CDH19: variants seen among roughly 807,000 people sequenced by gnomAD.
CDH19 encodes the protein cadherin 19.
A neutral mutation model predicts 64.2 loss-of-function variants in CDH19; 67 were observed. That is an observed-to-expected ratio of 1.04 (90% confidence interval 0.86 to 1.28). The LOEUF (loss-of-function observed/expected upper bound fraction) is 1.28, where lower values mean the gene tolerates loss of function less well. CDH19 is among the 50% of genes most tolerant of loss of function. The probability of loss-of-function intolerance (pLI) is 0.00; values close to 1 mark genes in which losing one functional copy is unlikely to be tolerated. For missense variants in CDH19, 1,030 were observed against 929.0 expected (o/e 1.11, Z -1.41); for synonymous variants, 346 against 319.3 (o/e 1.08, Z -0.89).
At chr18:66,580,158 C>T (rs1988384150) in intron 1 of CDH19, among the ~76,000 whole-genome samples, 2 of 151,760 alleles carry the variant, frequency 1.3e-5, no homozygotes, top group African/African-American at 4.8e-5. Flanking sequence ...ACTGTAATAC[C>T]AGCTATTGAT....
chr18:66,529,795 T>C (rs1198156362), intron 9 of CDH19, 50 bp downstream of exon 9: 13 of 1,175,834 alleles, frequency 1.1e-5, no homozygotes, highest in Non-Finnish European at 1.5e-5. Context: ...TTTCATATTA[T>C]GAAACAATGA....
At chr18:66,507,241 A>T (rs939625642) in intron 11 of CDH19, among the ~76,000 whole-genome samples, 1 of 151,740 alleles carries the variant, frequency 6.6e-6, no homozygotes, top group Non-Finnish European at 1.5e-5. Context: ...ATTAAAAATA[A>T]TTTTAAAAAC....
intron 9 of CDH19, among the ~76,000 whole-genome samples, chr18:66,514,061 G>T (rs1985621982): frequency 6.6e-6 from 1 of 151,408 alleles, no homozygotes; most frequent in Non-Finnish European, 1.5e-5. Context: ...CTTCACAATG[G>T]TCTCTGGAAT....
chr18:66,563,160 G>T (rs1987784526), intron 3 of CDH19, among the ~76,000 whole-genome samples: 1 of 151,988 alleles, frequency 6.6e-6, no homozygotes, highest in African/African-American at 2.4e-5. Flanking sequence ...AAGCAATAGA[G>T]AAATTAGCAA....
chr18:66,534,079 C>A (rs943430507), intron 8 of CDH19, among the ~76,000 whole-genome samples: 2 of 150,982 alleles, frequency 1.3e-5, no homozygotes, highest in Admixed American at 6.6e-5. Context: ...CTTGTTCCAA[C>A]AAGTTTTTCC....
chr18:66,588,691 A>AT (rs1363156510), intron 1 of CDH19, among the ~76,000 whole-genome samples: 49 of 148,882 alleles, frequency 3.3e-4, no homozygotes, highest in African/African-American at 1.2e-3. Context: ...TTTGGTCCTT[A>AT]TTTATAAGTT....
In CDH19 at chr18:66,568,653, C is replaced by T. The variant is rs1334204698; in HGVS notation, c.253G>A (p.Gly85Arg). ...NSFQYKLLGAGAGSTFIIDER... is the reference protein window; with the variant it reads ...NSFQYKLLGARAGSTFIIDER... ...TCAATGATAAAAGTACTTCCAGCTC[C>T]AGCTCCCAAAAGCTTGTACTGGAAA... The change falls in exon 3 of 12, where the codon GGA becomes AGA. Residue 85 changes from glycine (G) to arginine (R), a missense_variant. Transcript: ENST00000262150. 1 of 1,611,292 alleles carries T rather than the reference C, an allele frequency of 6.2e-7. No homozygotes were observed.
In CDH19 at chr18:66,551,275, A is replaced by C; in HGVS notation, c.611-17T>G. The C allele has an allele frequency of 8.3e-7, 1 of 1,207,856 alleles. No individual in the cohort carries two copies. The highest frequency in any genetic ancestry group is 1.2e-6 in the Non-Finnish European group (1 of 821,186). 74.8% of individuals were successfully genotyped at this position (1,207,856 alleles called of 1,614,324 possible). ...TTATGACTCCTTTAAAAATATAATA[A>C]AATTCCAATTATTTCATTATTAATC... On this transcript the variant is annotated splice_polypyrimidine_tract_variant and intron_variant, in intron 4 of 11. Coordinates refer to ENST00000262150, the MANE Select transcript of CDH19 (RefSeq NM_021153.4).
At chr18:66,522,039 C>T (rs1388919857) in intron 9 of CDH19, among the ~76,000 whole-genome samples, 2 of 151,470 alleles carry the variant, frequency 1.3e-5, no homozygotes, top group East Asian at 2.0e-4. Context: ...CTCCGCCTCC[C>T]GGGTTCACGC....
Position 66,544,784 on chromosome 18 carries a change from C to T in CDH19, c.895G>A (p.Asp299Asn), listed in dbSNP as rs1987040359. Residue 299 changes from aspartate (D) to asparagine (N), a missense_variant, in exon 6 of 12, where the codon GAT becomes AAT. By Grantham distance (23) the Asp-to-Asn change is conservative (BLOSUM62 1). Coordinates refer to ENST00000262150, the MANE Select transcript of CDH19 (RefSeq NM_021153.4). ...GTAATAATGTCAAATGTTTGCGAAT[C>T]ATCCTCTTCAATGCTGTAATCCATT... ...AEMDYSIEED[D>N]SQTFDIITNH... is the part of the protein sequence containing the mutation. 6.2e-7 allele frequency: 1 copy of T among 1,612,210 alleles called. No individual in the cohort carries two copies. Among genetic ancestry groups the T allele is most frequent in the East Asian group, 2.2e-5 (1 of 44,826 alleles).
At chr18:66,547,661 G>GTT (rs71169155) in intron 5 of CDH19, among the ~76,000 whole-genome samples, 3,617 of 80,096 alleles carry the variant, frequency 0.045, 112 homozygotes, top group Non-Finnish European at 0.054. Context: ...TGTGTGTTAG[G>GTT]TTTTTTTTTT....
At position 66,554,396 on chromosome 18, in the gene CDH19, C is replaced by T; in HGVS notation, c.610+9G>A. 1 of 1,609,570 alleles carries T rather than the reference C, an allele frequency of 6.2e-7. No individual in the cohort carries two copies. Among genetic ancestry groups the T allele is most frequent in the Non-Finnish European group, 8.5e-7 (1 of 1,177,598 alleles). ...CATGTTAAACTTTGCTTGTTTCATT[C>T]ACAAATACCTGTTGTTGGTTCAACA... On this transcript the variant is annotated intron_variant, in intron 4 of 11. Coordinates refer to ENST00000262150, the MANE Select transcript of CDH19 (RefSeq NM_021153.4).
intron 1 of CDH19, among the ~76,000 whole-genome samples, chr18:66,578,093 C>A (rs1445323471): frequency 6.6e-6 from 1 of 151,932 alleles, no homozygotes. Context: ...AGACCATTAA[C>A]TGAATCTCAT....
intron 3 of CDH19, among the ~76,000 whole-genome samples, chr18:66,564,635 T>C (rs1337774669): frequency 6.6e-6 from 1 of 151,920 alleles, no homozygotes; most frequent in Non-Finnish European, 1.5e-5. Flanking sequence ...CCTTTTGCAT[T>C]TGCACATACA....
chr18:66,582,638 C>CG (rs1656012445), intron 1 of CDH19, among the ~76,000 whole-genome samples: 1 of 59,574 alleles, frequency 1.7e-5, no homozygotes. Context: ...CTTACTGTCA[C>CG]CAAAAAAAAA....
intron 3 of CDH19, among the ~76,000 whole-genome samples, chr18:66,560,622 G>A (rs1987685154): frequency 6.6e-6 from 1 of 151,772 alleles, no homozygotes; most frequent in Non-Finnish European, 1.5e-5. Context: ...TTAGTCCTGG[G>A]GAATTTGATA....
rs1299187949 is a variant in CDH19, at chr18:66,529,977, AAT to A, written c.1337-13_1337-12del. 1.5e-6 allele frequency: 2 copies of A among 1,354,734 alleles called. No individual in the cohort carries two copies. Among genetic ancestry groups the A allele is most frequent in the African/African-American group, 1.5e-5 (1 of 65,926 alleles). 83.9% of individuals were successfully genotyped at this position (1,354,734 alleles called of 1,614,324 possible). ...TCTGTTCTATATTGTCTGCAATTTG[AAT>A]ATATATAATAAAAATCTAACATATT... On this transcript the variant is annotated splice_polypyrimidine_tract_variant and intron_variant, in intron 8 of 11. Coordinates refer to ENST00000262150, the MANE Select transcript of CDH19 (RefSeq NM_021153.4).
intron 5 of CDH19, among the ~76,000 whole-genome samples, chr18:66,548,890 T>A (rs547478668): frequency 1.3e-5 from 2 of 152,266 alleles, no homozygotes; most frequent in East Asian, 3.9e-4. Context: ...AAAACAATAA[T>A]AAACATGTTT....
At chr18:66,598,627 T>C (rs559102768) in intron 1 of CDH19, among the ~76,000 whole-genome samples, 74 of 152,022 alleles carry the variant, frequency 4.9e-4, no homozygotes, top group Non-Finnish European at 9.4e-4. Flanking sequence ...GTGGAAAACT[T>C]AACATTGAGT....
Sources: gnomAD v4.1 joint callset for allele counts (sites outside exome capture counted in the v4.1 genomes callset) on GRCh38, gnomAD v4.1.1 for gene constraint, MANE v1.5 for transcripts, NCBI Gene and HGNC (gene_info 2026-07-23, HGNC 2026-07-21) for gene names.